The following ADCY1 variants were observed in gnomAD, a reference collection of about 807,000 sequenced individuals.
ADCY1 encodes adenylate cyclase 1, also known as adenylate cyclase type 1.
Under a neutral mutation model 105.4 loss-of-function variants are expected in ADCY1, and 28 were observed. The ratio of observed to expected loss-of-function variants is 0.27; its 90% CI spans 0.20 to 0.36. The LOEUF is 0.36. Ranked by LOEUF, ADCY1 falls within the 10% of genes least tolerant of loss-of-function variation. The pLI is 1.00. For missense variants in ADCY1, 977 were observed against 1,434.2 expected (o/e 0.68, Z 5.15); for synonymous variants, 655 against 623.8 (o/e 1.05, Z -0.75).
chr7:45,610,792 G>A (rs1562687101), intron 3 of ADCY1, among the ~76,000 whole-genome samples: 10 of 148,456 alleles, frequency 6.7e-5, no homozygotes, highest in East Asian at 4.0e-4. Flanking sequence ...GGGTGATGGT[G>A]GAGGTGGGGA....
chr7:45,690,429 C>A (rs953167638), intron 14 of ADCY1, among the ~76,000 whole-genome samples: 1 of 152,202 alleles, frequency 6.6e-6, no homozygotes, highest in African/African-American at 2.4e-5. Context: ...TAGGATTCAC[C>A]ACCTTCAGCC....
chr7:45,618,075 A>G (rs1453624854), intron 3 of ADCY1, among the ~76,000 whole-genome samples: 2 of 152,332 alleles, frequency 1.3e-5, no homozygotes, highest in African/African-American at 2.4e-5. Flanking sequence ...AAGTAAATCC[A>G]TGTAATTTTA....
intron 14 of ADCY1, among the ~76,000 whole-genome samples, chr7:45,689,480 C>T (rs1784746685): frequency 6.6e-6 from 1 of 151,908 alleles, no homozygotes; most frequent in Admixed American, 6.6e-5. Flanking sequence ...TGTCACATGG[C>T]GAGAGCAGGA....
chr7:45,610,553 A>T (rs1793507396), intron 3 of ADCY1, 56 bp downstream of exon 3: 25 of 1,476,140 alleles, frequency 1.7e-5, no homozygotes, highest in Non-Finnish European at 2.3e-5. Context: ...AGGTGTGGAG[A>T]TAATGGTGAA....
At chr7:45,672,707 T>C (rs1784388389) in intron 8 of ADCY1, among the ~76,000 whole-genome samples, 1 of 152,180 alleles carries the variant, frequency 6.6e-6, no homozygotes, top group South Asian at 2.1e-4. Flanking sequence ...TTTTTTAATA[T>C]ATATATATTC....
At chr7:45,654,151 C>T (rs1419208825) in intron 5 of ADCY1, among the ~76,000 whole-genome samples, 1 of 152,194 alleles carries the variant, frequency 6.6e-6, no homozygotes, top group Non-Finnish European at 1.5e-5. Context: ...AGCCGGTGGC[C>T]AATATGGCAG....
intron 3 of ADCY1, among the ~76,000 whole-genome samples, chr7:45,614,163 TA>T (rs1237855179): frequency 3.3e-5 from 5 of 152,142 alleles, no homozygotes; most frequent in African/African-American, 1.2e-4. Context: ...TATTCTAGCA[TA>T]AAAGTTAAGA....
rs1350675175 is a variant in ADCY1 at position 45,719,809 on chromosome 7, C to T, written c.*5814C>T. On this transcript the variant is annotated 3_prime_UTR_variant, in exon 20 of 20. Transcript: ENST00000297323. ...CATTTGGGGAACCATCCCCGAATGC[C>T]CTGATGTGATTTCCCTCAGAAAATC... is the stretch of plus-strand genomic sequence containing the variant. 1 of 152,100 alleles carries T rather than the reference C, an allele frequency of 6.6e-6. No homozygotes were observed. Among genetic ancestry groups the T allele is most frequent in the African/African-American group, 2.4e-5 (1 of 41,404 alleles). The allele number at this position is 152,100 out of a possible 1,614,324, so 9.4% of individuals were successfully genotyped here. A position where few individuals can be genotyped will look rare whatever the true frequency, so the allele number is the denominator to read the frequency against.
chr7:45,709,329 C>T (rs1785181940), intron 18 of ADCY1, among the ~76,000 whole-genome samples: 1 of 152,208 alleles, frequency 6.6e-6, no homozygotes, highest in Admixed American at 6.5e-5. Flanking sequence ...CCTCACTTTC[C>T]AATGACAAGA....
Position 45,574,771 on chromosome 7 carries a change from G to T in ADCY1, c.228G>T (p.Ala76=). 1 of 1,474,152 alleles carries T rather than the reference G, an allele frequency of 6.8e-7. No homozygotes were observed. Among genetic ancestry groups the T allele is most frequent in the South Asian group, 1.3e-5 (1 of 74,632 alleles). The allele number at this position is 1,474,152 out of a possible 1,614,324, so 91.3% of individuals were successfully genotyped here. Residue 76 remains alanine (A), a synonymous_variant, in exon 1 of 20, where the codon GCG becomes GCT. Transcript: ENST00000297323. The surrounding 1 kb of genome is among the most constrained non-coding windows in gnomAD (Gnocchi z 7.0). ...AVLSLLAGAL[A]LAELLGAPGP... is the part of the protein sequence containing the mutation. ...TCAGCCTGCTGGCGGGCGCGCTGGC[G>T]CTGGCCGAGCTGCTGGGCGCGCCGG...
In ADCY1 at chr7:45,574,759, G is replaced by T. The variant is rs1340652419; in HGVS notation, c.216G>T (p.Ala72=). The T allele has an allele frequency of 1.4e-6, 2 of 1,433,562 alleles. No homozygotes were observed. The highest frequency in any genetic ancestry group is 9.1e-7 in the Non-Finnish European group (1 of 1,103,584). The allele number at this position is 1,433,562 out of a possible 1,614,324, so 88.8% of individuals were successfully genotyped here. The stretch of plus-strand genomic sequence containing the variant: ...CGCTGGCCGTTCTCAGCCTGCTGGC[G>T]GGCGCGCTGGCGCTGGCCGAGCTGC... The part of the protein sequence containing the change: ...LKALAVLSLL[A]GALALAELLG... Residue 72 remains alanine, a synonymous_variant, in exon 1 of 20, where the codon GCG becomes GCT. Transcript: ENST00000297323. The surrounding 1 kb of genome is among the most constrained non-coding windows in gnomAD (Gnocchi z 7.0).
chr7:45,654,402 G>A (rs1584306536), intron 5 of ADCY1, among the ~76,000 whole-genome samples: 1 of 152,200 alleles, frequency 6.6e-6, no homozygotes, highest in African/African-American at 2.4e-5. Context: ...AATTAAATTA[G>A]AAGTAAATGG....
chr7:45,574,318 C>T, upstream of ADCY1: 1 of 192,660 alleles, frequency 5.2e-6, no homozygotes, highest in Non-Finnish European at 9.2e-6. The surrounding 1 kb of genome is among the most constrained non-coding windows in gnomAD (Gnocchi z 7.0). Context: ...CCGAGGACCA[C>T]GGTCGGGGCG....
chr7:45,684,435 T>C (rs1178127996), intron 11 of ADCY1: 1 of 152,306 alleles, frequency 6.6e-6, no homozygotes. Context: ...GTATTAATTT[T>C]AGTTTATATT....
Position 45,703,882 on chromosome 7 carries a change from A to G in ADCY1, c.2718+136A>G. The G allele has an allele frequency of 7.7e-7, 1 of 1,301,500 alleles. No homozygotes were observed. The highest frequency in any genetic ancestry group is 1.5e-5 in the South Asian group (1 of 65,584). 80.6% of individuals were successfully genotyped at this position (1,301,500 alleles called of 1,614,324 possible). A position where few individuals can be genotyped will look rare whatever the true frequency, so the allele number is the denominator to read the frequency against. ...AAAGCAAATCCCGGGAAGCACAGGC[A>G]TTCTGTCTCCTTTGGGATCCAGACC... On this transcript the variant is annotated intron_variant, in intron 16 of 19. Transcript: ENST00000297323. The surrounding 1 kb of genome is among the most constrained non-coding windows in gnomAD (Gnocchi z 5.9).
chr7:45,620,820 G>A (rs867162814), intron 3 of ADCY1, among the ~76,000 whole-genome samples: 2 of 152,080 alleles, frequency 1.3e-5, no homozygotes, highest in African/African-American at 4.8e-5. Flanking sequence ...TTCTGTATCC[G>A]GCAAAAATCA....
At chr7:45,622,866 A>T (rs1793937609) in intron 4 of ADCY1, 123 bp downstream of exon 4, 2 of 747,510 alleles carry the variant, frequency 2.7e-6, no homozygotes, top group South Asian at 3.5e-5. Context: ...TTCTTCCAGC[A>T]AGGTTATAAA....
chr7:45,605,165 T>A (rs1478945830), intron 2 of ADCY1, among the ~76,000 whole-genome samples: 2 of 152,256 alleles, frequency 1.3e-5, no homozygotes, highest in African/African-American at 4.8e-5. Flanking sequence ...TGTATATTGA[T>A]CTTGTATCCT....
At chr7:45,605,381 T>A (rs1793347013) in intron 2 of ADCY1, among the ~76,000 whole-genome samples, 2 of 152,192 alleles carry the variant, frequency 1.3e-5, no homozygotes, top group Non-Finnish European at 2.9e-5. Context: ...ATATGAGTAA[T>A]GGGAGCCAAC....
Sources: allele counts gnomAD v4.1 joint callset (sites outside exome capture counted in the v4.1 genomes callset), GRCh38; gene constraint gnomAD v4.1.1; non-coding constraint Gnocchi (gnomAD v3.1); transcripts MANE v1.5; gene names NCBI Gene and HGNC (gene_info 2026-07-23, HGNC 2026-07-21).